The following DNAAF11 variants were observed in gnomAD, a reference collection of about 807,000 sequenced individuals.
DNAAF11 encodes the protein dynein axonemal assembly factor 11.
In DNAAF11, 45 loss-of-function variants were observed where a neutral mutation model predicts 60.8. The ratio of observed to expected loss-of-function variants is 0.74; its 90% CI spans 0.58 to 0.95. The LOEUF is 0.95. Ranked by LOEUF, DNAAF11 falls within the 40% of genes least tolerant of loss-of-function variation. The pLI, the probability that DNAAF11 is intolerant of heterozygous loss-of-function variation, is 0.00. For synonymous variants in DNAAF11, 191 were observed against 183.5 expected (o/e 1.04, Z -0.33); for missense variants, 546 against 546.2 (o/e 1.00, Z 0.00).
In DNAAF11 at chr8:132,572,231, A is replaced by G; in HGVS notation, c.*75T>C. On this transcript the variant is annotated 3_prime_UTR_variant, in exon 12 of 12. Transcript: ENST00000620350. ...ATAACTCTGTGTTTATCCCAGGAAT[A>G]ATATGCATATGGTCTCTACACCAAC... is the stretch of plus-strand genomic sequence containing the variant. 3 of 1,186,106 alleles carry G rather than the reference A, an allele frequency of 2.5e-6. No homozygotes were observed. The highest frequency in any genetic ancestry group is 3.5e-6 in the Non-Finnish European group (3 of 845,180). 73.5% of individuals were successfully genotyped at this position (1,186,106 alleles called of 1,614,324 possible). A position where few individuals can be genotyped will look rare whatever the true frequency, so the allele number is the denominator to read the frequency against.
In DNAAF11 at chr8:132,572,046, C is replaced by T. The variant is rs1328792995; in HGVS notation, c.*260G>A. On this transcript the variant is annotated 3_prime_UTR_variant, in exon 12 of 12. Transcript: ENST00000620350. ...CAGTATTTATAATCAGTGTTTTATGCAATAGTTCTATGATCTTACTAAACA... is the reference window on the plus strand; with the variant it reads ...CAGTATTTATAATCAGTGTTTTATGTAATAGTTCTATGATCTTACTAAACA... 1 of 337,244 alleles carries T rather than the reference C, an allele frequency of 3.0e-6. No homozygotes were observed. The highest frequency in any genetic ancestry group is 2.1e-5 in the African/African-American group (1 of 47,362). The allele number at this position is 337,244 out of a possible 1,614,324, so 20.9% of individuals were successfully genotyped here.
rs1749841248 is a variant in DNAAF11, at chr8:132,570,849, C to T, written c.*1457G>A. Among the ~76,000 whole-genome samples the T allele has an allele frequency of 6.6e-6, 1 of 152,186 alleles. No homozygotes were observed. Among genetic ancestry groups the T allele is most frequent in the South Asian group, 2.1e-4 (1 of 4,826 alleles). ...AAGGGTAGCAGATAAATAGAGGCAA[C>T]AATTTCAGCAGCATGATAATTTCCA... On this transcript the variant is annotated 3_prime_UTR_variant, in exon 12 of 12. Coordinates refer to ENST00000620350, the MANE Select transcript of DNAAF11 (RefSeq NM_012472.6).
In DNAAF11 at chr8:132,634,644, AC is replaced by A. The variant is rs529024946; in HGVS notation, c.430-1682del. 1.8e-4 allele frequency among the ~76,000 whole-genome samples: 27 copies of A among 151,290 alleles called. 1 individual carries two copies. The South Asian group carries it at 5.2e-3, about 29-fold the overall frequency. On this transcript the variant is annotated intron_variant, in intron 4 of 11. Transcript: ENST00000620350. ...TTTGTAAGTATATATAAGTAAATAC[AC>A]TGATATAAATATATGAATCAACATA...
At chr8:132,697,186 A>G in the DNAAF11 span, among the ~76,000 whole-genome samples, 1 of 152,202 alleles carries the variant, frequency 6.6e-6, no homozygotes, top group Non-Finnish European at 1.5e-5. Flanking sequence ...ATGACAAGTG[A>G]CTGCAAATGG....
intron 10 of DNAAF11, among the ~76,000 whole-genome samples, chr8:132,586,613 A>G (rs1255997310): frequency 6.6e-6 from 1 of 152,032 alleles, no homozygotes; most frequent in Admixed American, 6.6e-5. Flanking sequence ...CTTCCTTACC[A>G]TGCCTGGGAC....
chr8:132,663,076 T>G (rs1359625823), intron 1 of DNAAF11, among the ~76,000 whole-genome samples: 1 of 152,196 alleles, frequency 6.6e-6, no homozygotes, highest in East Asian at 1.9e-4. Flanking sequence ...TCCTTGCTGC[T>G]CTAAGCTTTG....
intron 6 of DNAAF11, among the ~76,000 whole-genome samples, chr8:132,623,751 T>C (rs186874973): frequency 6.2e-4 from 95 of 152,304 alleles, no homozygotes; most frequent in African/African-American, 2.2e-3. Context: ...CACACTCTTC[T>C]GCATTTTAAA....
At chr8:132,657,353 T>C (rs564472385) in intron 2 of DNAAF11, among the ~76,000 whole-genome samples, 1 of 152,344 alleles carries the variant, frequency 6.6e-6, no homozygotes, top group South Asian at 2.1e-4. Flanking sequence ...GGTTCTTATC[T>C]CTTTTTCCTG....
At chr8:132,625,842 T>A (rs890014472) in intron 5 of DNAAF11, among the ~76,000 whole-genome samples, 2 of 152,194 alleles carry the variant, frequency 1.3e-5, no homozygotes, top group Non-Finnish European at 2.9e-5. Flanking sequence ...ATCTGAAGCC[T>A]GGGAATCTGT....
At position 132,638,014 on chromosome 8, in the gene DNAAF11, T is replaced by A; in HGVS notation, c.350A>T (p.Glu117Val). 6.2e-7 allele frequency: 1 copy of A among 1,614,096 alleles called. No individual in the cohort carries two copies. Among genetic ancestry groups the A allele is most frequent in the Non-Finnish European group, 8.5e-7 (1 of 1,179,948 alleles). Residue 117 changes from glutamate (E) to valine (V), a missense_variant, in exon 4 of 12, where the codon GAG becomes GTG. Glu to Val is a moderately radical substitution (Grantham distance 121). Coordinates refer to ENST00000620350, the MANE Select transcript of DNAAF11 (RefSeq NM_012472.6). ...KNLQHNIHLK[E>V]LFLMGNPCAS... ...ACATGGGTTCCCCATGAGAAAGAGCTCCTTCAGATGGATATTGTGCTGCAA... is the reference window on the plus strand; with the variant it reads ...ACATGGGTTCCCCATGAGAAAGAGCACCTTCAGATGGATATTGTGCTGCAA...
chr8:132,678,621 G>A (rs1825821906), upstream of DNAAF11, among the ~76,000 whole-genome samples: 1 of 152,004 alleles, frequency 6.6e-6, no homozygotes, highest in African/African-American at 2.4e-5. Context: ...CTGGCCTCAA[G>A]AGATCCTCCC....
the DNAAF11 span, among the ~76,000 whole-genome samples, chr8:132,701,713 C>T: frequency 5.3e-5 from 8 of 152,316 alleles, no homozygotes; most frequent in East Asian, 1.5e-3. Flanking sequence ...GCCATCTTGC[C>T]CCCAGGTTGG....
intron 10 of DNAAF11, among the ~76,000 whole-genome samples, chr8:132,589,081 T>C (rs1563981763): frequency 6.6e-6 from 1 of 152,164 alleles, no homozygotes; most frequent in Non-Finnish European, 1.5e-5. Flanking sequence ...CAATCAATCC[T>C]GTTGTGATGC....
the DNAAF11 span, among the ~76,000 whole-genome samples, chr8:132,681,318 C>CTTTT: frequency 1.5e-5 from 2 of 129,104 alleles, no homozygotes; most frequent in African/African-American, 3.0e-5. Context: ...CCAACCATTC[C>CTTTT]TTTTTTTTTT....
At chr8:132,603,398 A>T (rs189740495) in intron 10 of DNAAF11, among the ~76,000 whole-genome samples, 2 of 152,180 alleles carry the variant, frequency 1.3e-5, no homozygotes, top group African/African-American at 4.8e-5. Context: ...GTGGCAAAGG[A>T]CTCCAGCAGA....
chr8:132,596,772 A>G (rs1230245544), intron 10 of DNAAF11, among the ~76,000 whole-genome samples: 1 of 152,148 alleles, frequency 6.6e-6, no homozygotes, highest in Non-Finnish European at 1.5e-5. Flanking sequence ...CTGGAATAAA[A>G]CAAAGAGCGA....
chr8:132,655,354 GCT>G (rs1374860345), intron 3 of DNAAF11, among the ~76,000 whole-genome samples: 3 of 151,804 alleles, frequency 2.0e-5, no homozygotes, highest in South Asian at 2.1e-4. Context: ...TTTTTTACAA[GCT>G]CTCTGAAAAA....
intron 6 of DNAAF11, 168 bp from the exon 7 acceptor site, chr8:132,622,856 T>C (rs2130277745): frequency 3.5e-6 from 2 of 573,100 alleles, no homozygotes; most frequent in East Asian, 2.9e-5. Context: ...CCTTTAATTC[T>C]ATGCTGGGAA....
At chr8:132,599,404 A>C (rs1817361426) in intron 10 of DNAAF11, among the ~76,000 whole-genome samples, 1 of 152,142 alleles carries the variant, frequency 6.6e-6, no homozygotes, top group African/African-American at 2.4e-5. Context: ...AAAAGACAGA[A>C]TACTCCCTAA....
Sources: gnomAD v4.1 joint callset for allele counts (sites outside exome capture counted in the v4.1 genomes callset) on GRCh38, gnomAD v4.1.1 for gene constraint, MANE v1.5 for transcripts, NCBI Gene and HGNC (gene_info 2026-07-23, HGNC 2026-07-21) for gene names.